Variants in TCF20 observed in about 807,000 individuals in gnomAD.
TCF20 encodes the protein SPRE-binding protein.
TCF20 carries 3 observed loss-of-function variants against 148.6 expected under a neutral mutation model. That is an observed-to-expected ratio of 0.02 (90% CI 0.01 to 0.05). TCF20 has a LOEUF of 0.05. Among genes scored for constraint, TCF20 ranks in the 10% least tolerant of loss-of-function variants. The pLI, the probability that TCF20 is intolerant of heterozygous loss-of-function variation, is 1.00. For synonymous variants in TCF20, 1,049 were observed against 909.5 expected, an observed-to-expected ratio of 1.15 and a Z score of -2.76; for missense variants, 2,350 against 2,429.3, an observed-to-expected ratio of 0.97 and a Z score of 0.69.
In TCF20 at chr22:42,340,735, G is replaced by A. The variant is rs561611675; in HGVS notation, c.-37+2744C>T. On this transcript the variant is annotated intron_variant, in intron 1 of 1. Coordinates refer to the TCF20 transcript ENST00000515426. ...TAACCCAAGGTCACAGAGTCATCAG[G>A]ACGCACAGCAAGGTCTCAAACTCAA... is the stretch of plus-strand genomic sequence containing the variant. 1.1e-4 allele frequency among the ~76,000 whole-genome samples: 16 copies of A among 152,278 alleles called. 1 individual carries two copies. The highest frequency in any genetic ancestry group is 8.5e-4 in the Admixed American group (13 of 15,296).
chr22:42,214,586 G>A lies in TCF20; in HGVS notation c.720C>T (p.Ser240=). The change falls in exon 2 of 6, where the codon TCC becomes TCT. Residue 240 remains serine (S), a synonymous_variant. Coordinates refer to ENST00000677622, the MANE Select transcript of TCF20 (RefSeq NM_001378418.1). ...AAGGGAAGGAGGAGGAGGAGGAGGA[G>A]GAAGCAGAAGACTGATAGTGTTGGC... ...QFGQHYQSSA[S]SSSSSSFPSP... The A allele has an allele frequency of 3.7e-6, 6 of 1,613,910 alleles. No homozygotes were observed. Among genetic ancestry groups the A allele is most frequent in the Non-Finnish European group, 4.2e-6 (5 of 1,180,040 alleles).
Position 42,282,116 on chromosome 22 carries a change from G to A in TCF20, c.-37+1711C>T, listed in dbSNP as rs185742284. ...AAGAGGAGGTGGTGACGTCAGGTTA[G>A]GGACCAGCTCCAGGGGAAGGGAGAC... On this transcript the variant is annotated intron_variant, in intron 1 of 5. Coordinates refer to the TCF20 transcript ENST00000359486. Among the ~76,000 whole-genome samples the A allele has an allele frequency of 3.1e-3, 470 of 152,338 alleles. 8 individuals carry two copies. Among genetic ancestry groups the A allele is most frequent in the Admixed American group, 0.028 (430 of 15,294 alleles).
At chr22:42,263,439 A>G (rs1193718692) in intron 1 of TCF20, among the ~76,000 whole-genome samples, 1 of 152,204 alleles carries the variant, frequency 6.6e-6, no homozygotes, top group Non-Finnish European at 1.5e-5. Context: ...TAAATGCAGC[A>G]GTGAAATCTG....
At chr22:42,285,715 C>T (rs1927018557), upstream of TCF20, among the ~76,000 whole-genome samples, 1 of 152,054 alleles carries the variant, frequency 6.6e-6, no homozygotes, top group Non-Finnish European at 1.5e-5. The surrounding 1 kb of genome is among the most constrained non-coding windows in gnomAD (Gnocchi z 4.2). Flanking sequence ...TCAAGTGATC[C>T]TCCCACCTCA....
intron 1 of TCF20, among the ~76,000 whole-genome samples, chr22:42,314,134 T>C (rs565805846): frequency 6.6e-6 from 1 of 152,182 alleles, no homozygotes; most frequent in Non-Finnish European, 1.5e-5. Context: ...GGCTGCCCTA[T>C]AGGGGCCCCT....
chr22:42,162,383 A>G (rs1208773249), intron 5 of TCF20, among the ~76,000 whole-genome samples: 1 of 151,594 alleles, frequency 6.6e-6, no homozygotes, highest in African/African-American at 2.4e-5. Flanking sequence ...AATCCTTTCG[A>G]CCTCTCAGGA....
At chr22:42,181,933 C>A (rs1440334911) in intron 2 of TCF20, among the ~76,000 whole-genome samples, 2 of 152,048 alleles carry the variant, frequency 1.3e-5, no homozygotes, top group Non-Finnish European at 2.9e-5. Flanking sequence ...GAGGGAGGAA[C>A]AGGTAATTTT....
chr22:42,313,640 C>A (rs1001887323), intron 1 of TCF20, among the ~76,000 whole-genome samples: 8 of 146,260 alleles, frequency 5.5e-5, no homozygotes. Context: ...CGCTTTGTCG[C>A]CCCAGCTGGA....
upstream of TCF20, among the ~76,000 whole-genome samples, chr22:42,287,255 G>A (rs1927049456): frequency 6.6e-6 from 1 of 152,176 alleles, no homozygotes. Context: ...CCACGCCTTT[G>A]TTCTGGACAC....
Position 42,210,515 on chromosome 22 carries a change from T to C in TCF20, c.4791A>G (p.Lys1597=). Residue 1597 remains lysine (K), a synonymous_variant, in exon 2 of 6, where the codon AAA becomes AAG. Coordinates refer to ENST00000677622, the MANE Select transcript of TCF20 (RefSeq NM_001378418.1). This position sits in a 1 kb window ranked among gnomAD's most constrained non-coding sequence, Gnocchi z 4.7. The part of the protein sequence containing the change: ...RKPGAQPRKR[K]TKQAVPIVEP... ...CCACAATGGGAACTGCTTGTTTGGT[T>C]TTTCGCTTCCTCGGCTGGGCCCCAG... 6.2e-7 allele frequency: 1 copy of C among 1,614,124 alleles called. No homozygotes were observed.
intron 1 of TCF20, among the ~76,000 whole-genome samples, chr22:42,239,123 AG>A (rs1924153203): frequency 6.6e-6 from 1 of 151,488 alleles, no homozygotes; most frequent in South Asian, 2.1e-4. Flanking sequence ...ATCTCAAAAA[AG>A]AAAAAAAAAA....
At chr22:42,303,131 T>A (rs900661319) in intron 1 of TCF20, among the ~76,000 whole-genome samples, 1 of 152,236 alleles carries the variant, frequency 6.6e-6, no homozygotes, top group Non-Finnish European at 1.5e-5. Context: ...GGTTTCACCA[T>A]GTTGGCCAGG....
intron 2 of TCF20, among the ~76,000 whole-genome samples, chr22:42,200,252 C>T (rs1305167508): frequency 6.6e-6 from 1 of 152,162 alleles, no homozygotes; most frequent in Non-Finnish European, 1.5e-5. Flanking sequence ...GATGACCCCT[C>T]ACCTCGCCCA....
chr22:42,320,832 G>A (rs1927718913), intron 1 of TCF20, among the ~76,000 whole-genome samples: 1 of 152,194 alleles, frequency 6.6e-6, no homozygotes, highest in Non-Finnish European at 1.5e-5. Context: ...CTCAGGTACT[G>A]CGAATACCTG....
At chr22:42,231,499 T>A (rs1923393787) in intron 1 of TCF20, among the ~76,000 whole-genome samples, 1 of 151,996 alleles carries the variant, frequency 6.6e-6, no homozygotes, top group African/African-American at 2.4e-5. Flanking sequence ...TTAATAATAA[T>A]CATAAAAAAG....
intron 1 of TCF20, among the ~76,000 whole-genome samples, chr22:42,267,718 G>T (rs913975200): frequency 2.0e-5 from 3 of 151,122 alleles, no homozygotes; most frequent in Non-Finnish European, 3.0e-5. Flanking sequence ...AAACAAAAAA[G>T]TGTTTACTTG....
chr22:42,210,918 G>A lies in TCF20; in HGVS notation c.4388C>T (p.Ala1463Val). The part of the protein sequence containing the change: ...TVTAGKEPPG[A>V]MTSTTSQKPG... The stretch of plus-strand genomic sequence containing the variant: ...CTTCTGTGAGGTTGTGGATGTCATG[G>A]CACCAGGGGGTTCCTTTCCGGCAGT... The change falls in exon 2 of 6, where the codon GCC (alanine) becomes GTC (valine). Residue 1463 changes from alanine (A) to valine (V), a missense_variant. Ala to Val is a moderately conservative substitution (Grantham distance 64). Transcript: ENST00000677622. This position sits in a 1 kb window ranked among gnomAD's most constrained non-coding sequence, Gnocchi z 4.7. 2.5e-6 allele frequency: 4 copies of A among 1,614,168 alleles called. No homozygotes were observed. Among genetic ancestry groups the A allele is most frequent in the Non-Finnish European group, 3.4e-6 (4 of 1,180,042 alleles).
At chr22:42,271,197 C>T (rs1318505077), upstream of TCF20, among the ~76,000 whole-genome samples, 1 of 152,228 alleles carries the variant, frequency 6.6e-6, no homozygotes, top group African/African-American at 2.4e-5. Flanking sequence ...TCCCTGGCAG[C>T]CCCCGCCCAT....
chr22:42,242,227 A>AAAAAAAAT lies in TCF20; in HGVS notation c.-36-26887_-36-26886insATTTTTTT, dbSNP rs1491280192. ...CAAAAAAAAAAAAAAAAAAAAAAAA[A>AAAAAAAAT]CAGAAAAGAAAGGGTGACTACAAGG... On this transcript the variant is annotated intron_variant, in intron 1 of 5. Coordinates refer to ENST00000677622, the MANE Select transcript of TCF20 (RefSeq NM_001378418.1). Among the ~76,000 whole-genome samples the AAAAAAAAT allele has an allele frequency of 1.9e-3, 237 of 122,722 alleles. 12 individuals are homozygous for AAAAAAAAT. Among genetic ancestry groups the AAAAAAAAT allele is most frequent in the African/African-American group, 2.7e-3 (85 of 31,334 alleles). 80.5% of individuals were successfully genotyped at this position (122,722 alleles called of 152,430 possible).
Sources: gnomAD v4.1 joint callset for allele counts (sites outside exome capture counted in the v4.1 genomes callset) on GRCh38, gnomAD v4.1.1 for gene constraint, Gnocchi (gnomAD v3.1) non-coding constraint, MANE v1.5 for transcripts, NCBI Gene and HGNC (gene_info 2026-07-23, HGNC 2026-07-21) for gene names.